PCDHGB6: variants seen among roughly 807,000 people sequenced by gnomAD.
PCDHGB6 encodes the protein protocadherin gamma subfamily B, 6.
In PCDHGB6, 51 loss-of-function variants were observed where a neutral mutation model predicts 59.1. That is an observed-to-expected ratio of 0.86 (90% CI 0.69 to 1.09). The LOEUF is 1.09. PCDHGB6 is among the 50% of genes least tolerant of loss of function. The pLI is 0.00. For missense variants in PCDHGB6, 1,148 were observed against 1,205.1 expected, an observed-to-expected ratio of 0.95 and a Z score of 0.70; for synonymous variants, 466 against 495.1, an observed-to-expected ratio of 0.94 and a Z score of 0.78.
At chr5:141,452,912 A>T (rs1301567203) in intron 1 of PCDHGB6, among the ~76,000 whole-genome samples, 1 of 152,228 alleles carries the variant, frequency 6.6e-6, no homozygotes, top group African/African-American at 2.4e-5. Flanking sequence ...GGCATTATAC[A>T]GTAAGAAAGA....
In PCDHGB6 at chr5:141,491,225, T is replaced by G. The variant is rs764111440; in HGVS notation, c.2419-3582T>G. The stretch of plus-strand genomic sequence containing the variant: ...CCTTCACTCTCCTCCACAGCCACAG[T>G]GCTGCTGGTTCTGGAGGATGAGGAC... On this transcript the variant is annotated intron_variant, in intron 1 of 3. Transcript: ENST00000520790. This position sits in a 1 kb window ranked among gnomAD's most constrained non-coding sequence, Gnocchi z 6.9. 6.2e-7 allele frequency: 1 copy of G among 1,614,232 alleles called. No individual in the cohort carries two copies. Among genetic ancestry groups the G allele is most frequent in the Non-Finnish European group, 8.5e-7 (1 of 1,180,028 alleles).
At position 141,409,964 on chromosome 5, in the gene PCDHGB6, G is replaced by A. The variant is rs1042730924; in HGVS notation, c.1762G>A (p.Val588Met). The A allele has an allele frequency of 3.1e-6, 5 of 1,613,300 alleles. No homozygotes were observed. Among genetic ancestry groups the A allele is most frequent in the East Asian group, 2.2e-5 (1 of 44,886 alleles). Residue 588 changes from valine (V) to methionine (M), a missense_variant, in exon 1 of 4, where the codon GTG becomes ATG. Transcript: ENST00000520790. ...VPRSAEPGYL[V>M]TKVVAVDADS... ...TCGCTCTGCAGAGCCCGGCTACCTA[G>A]TGACTAAGGTGGTAGCGGTGGACGC...
Position 141,408,181 on chromosome 5 carries a change from C to G in PCDHGB6, c.-22C>G, listed in dbSNP as rs1304952667. ...TTTCTCCAACTGGAAAAGCGGGGAC[C>G]CAGCGAGAACCCGAGCGAACGATGG... On this transcript the variant is annotated 5_prime_UTR_variant, in exon 1 of 4. Coordinates refer to ENST00000520790, the MANE Select transcript of PCDHGB6 (RefSeq NM_018926.3). The G allele has an allele frequency of 1.6e-5, 24 of 1,536,932 alleles. No individual in the cohort carries two copies. In the East Asian group the frequency reaches 5.6e-4, roughly 36 times the overall value.
chr5:141,476,553 A>G lies in PCDHGB6; in HGVS notation c.2419-18254A>G. On this transcript the variant is annotated intron_variant, in intron 1 of 3. Coordinates refer to ENST00000520790, the MANE Select transcript of PCDHGB6 (RefSeq NM_018926.3). The surrounding 1 kb of genome is among the most constrained non-coding windows in gnomAD (Gnocchi z 7.6). ...CAGGAAATGAAATTGGAGATTAGCG[A>G]GGCCGTGGCTCCGGGGACGCGCTTT... The G allele has an allele frequency of 1.2e-6, 2 of 1,614,226 alleles. No homozygotes were observed. The highest frequency in any genetic ancestry group is 1.7e-6 in the Non-Finnish European group (2 of 1,180,040).
At chr5:141,475,803 G>T in intron 1 of PCDHGB6, 1 of 319,920 alleles carries the variant, frequency 3.1e-6, no homozygotes, top group Non-Finnish European at 5.7e-6. Flanking sequence ...GAAGCCAAAG[G>T]AAAGTGAAGT....
intron 1 of PCDHGB6, chr5:141,422,951 G>C (rs1382138030): frequency 3.7e-6 from 6 of 1,614,236 alleles, no homozygotes; most frequent in South Asian, 3.3e-5. Flanking sequence ...GGCTCCACTG[G>C]CGTGGAGCTG....
intron 1 of PCDHGB6, chr5:141,442,421 T>G (rs1288481455): frequency 1.3e-5 from 2 of 152,290 alleles, no homozygotes; most frequent in East Asian, 3.9e-4. Flanking sequence ...TGAACTTCTT[T>G]TTTGAATCCC....
chr5:141,413,435 G>T lies in PCDHGB6; in HGVS notation c.2418+2815G>T, dbSNP rs1018097924. 17 of 1,614,004 alleles carry T rather than the reference G, an allele frequency of 1.1e-5. No homozygotes were observed. The African/African-American group carries it at 2.1e-4, about 20-fold the overall frequency. On this transcript the variant is annotated intron_variant, in intron 1 of 3. Coordinates refer to ENST00000520790, the MANE Select transcript of PCDHGB6 (RefSeq NM_018926.3). Reference sequence around the variant, plus strand: ...TTCTCTCTGAACCCGCGCAGCGGCAGCTTGATCACCGCGGGCAGGATAGAC... The same window carrying T: ...TTCTCTCTGAACCCGCGCAGCGGCATCTTGATCACCGCGGGCAGGATAGAC...
rs748873655 is a variant in PCDHGB6 at position 141,410,002 on chromosome 5, C to A, written c.1800C>A (p.His600Gln). The A allele has an allele frequency of 1.1e-5, 18 of 1,613,250 alleles. No individual in the cohort carries two copies. Among genetic ancestry groups the A allele is most frequent in the Middle Eastern group, 1.7e-4 (1 of 6,056 alleles). The change falls in exon 1 of 4, where the codon CAC (histidine) becomes CAA (glutamine). Residue 600 changes from histidine to glutamine, a missense_variant. His to Gln is a conservative substitution (Grantham distance 24, BLOSUM62 0). This residue lies in a region of PCDHGB6 where 549 missense variants were observed against 527.5 expected (regional missense o/e 1.04). Coordinates refer to ENST00000520790, the MANE Select transcript of PCDHGB6 (RefSeq NM_018926.3). ...KVVAVDADSG[H>Q]NAWLSYHVLQ... ...TAGCGGTGGACGCCGACTCGGGACA[C>A]AACGCCTGGCTGTCCTACCACGTGC...
intron 1 of PCDHGB6, chr5:141,413,940 TC>T (rs1190444840): frequency 1.2e-6 from 2 of 1,613,390 alleles, no homozygotes; most frequent in East Asian, 2.2e-5. Context: ...GAGTGAGTGT[TC>T]CTGAGAATTT....
chr5:141,440,572 GT>G (rs1233263525), intron 1 of PCDHGB6: 1 of 152,200 alleles, frequency 6.6e-6, no homozygotes, highest in Non-Finnish European at 1.5e-5. Context: ...GTATCTCTGA[GT>G]TTACCCAGCT....
intron 1 of PCDHGB6, among the ~76,000 whole-genome samples, chr5:141,449,606 A>AG (rs1263111904): frequency 2.0e-5 from 3 of 150,702 alleles, no homozygotes; most frequent in Non-Finnish European, 3.0e-5. Flanking sequence ...AAAAAAAAAA[A>AG]AGTAAAAAAG....
chr5:141,492,230 C>T (rs1286145654), intron 1 of PCDHGB6, among the ~76,000 whole-genome samples: 1 of 152,196 alleles, frequency 6.6e-6, no homozygotes. Flanking sequence ...CGTGTCCTCC[C>T]TGCTGGCCAC....
chr5:141,449,528 G>C (rs1298713821), intron 1 of PCDHGB6, among the ~76,000 whole-genome samples: 1 of 149,040 alleles, frequency 6.7e-6, no homozygotes, highest in African/African-American at 2.5e-5. Context: ...GGCGGAGGTT[G>C]CAGTGAGCCG....
At chr5:141,448,654 A>G (rs966383140) in intron 1 of PCDHGB6, among the ~76,000 whole-genome samples, 1 of 152,048 alleles carries the variant, frequency 6.6e-6, no homozygotes, top group African/African-American at 2.4e-5. Context: ...AAATATTTCC[A>G]TATTGGCCGG....
At position 141,510,984 on chromosome 5, in the gene PCDHGB6, C is replaced by T. The variant is rs375865663; in HGVS notation, c.2604C>T (p.Ala868=). The change falls in exon 4 of 4, where the codon GCC becomes GCT. Residue 868 remains alanine (A), a synonymous_variant. Coordinates refer to ENST00000520790, the MANE Select transcript of PCDHGB6 (RefSeq NM_018926.3). ...GGAGCTCCACCCTGGGAGGGGGTGC[C>T]GGCACCATGGGATTGAGCGCCCGCT... The part of the protein sequence containing the change: ...ADGSSTLGGG[A]GTMGLSARYG... 20 of 1,614,044 alleles carry T rather than the reference C, an allele frequency of 1.2e-5. No homozygotes were observed. The East Asian group carries it at 1.6e-4, about 13-fold the overall frequency.
chr5:141,426,276 C>A, intron 1 of PCDHGB6: 1 of 164,340 alleles, frequency 6.1e-6, no homozygotes, highest in South Asian at 1.6e-4. Context: ...TGCAGCAACG[C>A]ATGGGAAGGA....
At chr5:141,413,381 G>T in intron 1 of PCDHGB6, 2 of 1,613,946 alleles carry the variant, frequency 1.2e-6, no homozygotes, top group Admixed American at 1.7e-5. Context: ...CGCGGAGTCC[G>T]CATAGTCTCC....
intron 1 of PCDHGB6, among the ~76,000 whole-genome samples, chr5:141,451,391 T>C (rs928399948): frequency 6.6e-6 from 1 of 152,162 alleles, no homozygotes; most frequent in Non-Finnish European, 1.5e-5. Context: ...ACATAGTTAA[T>C]GGCAAAATTA....
Sources: gnomAD v4.1 joint callset for allele counts (sites outside exome capture counted in the v4.1 genomes callset) on GRCh38, gnomAD v4.1.1 for gene constraint, gnomAD v4.1.1 regional missense constraint, Gnocchi (gnomAD v3.1) non-coding constraint, MANE v1.5 for transcripts, NCBI Gene and HGNC (gene_info 2026-07-23, HGNC 2026-07-21) for gene names.